CNTNAP5: variants seen among roughly 807,000 people sequenced by gnomAD.
CNTNAP5 encodes contactin associated protein family member 5, also known as contactin-associated protein-like 5.
In CNTNAP5, 72 loss-of-function variants were observed where a neutral mutation model predicts 150.2. That is an observed-to-expected ratio of 0.48 (90% CI 0.40 to 0.58). CNTNAP5 has a LOEUF of 0.58. Ranked by LOEUF, CNTNAP5 falls within the 20% of genes least tolerant of loss-of-function variation. The pLI is 0.00. For missense variants in CNTNAP5, 1,636 were observed against 1,626.2 expected, an observed-to-expected ratio of 1.01 and a Z score of -0.10; for synonymous variants, 672 against 619.8, an observed-to-expected ratio of 1.08 and a Z score of -1.25.
intron 13 of CNTNAP5, among the ~76,000 whole-genome samples, chr2:124,667,377 TG>T (rs1364660526): frequency 2.0e-5 from 3 of 152,256 alleles, no homozygotes; most frequent in African/African-American, 7.2e-5. Flanking sequence ...GCTATCTTCC[TG>T]ATATTACTCA....
At chr2:124,888,249 G>C (rs911352719) in intron 21 of CNTNAP5, among the ~76,000 whole-genome samples, 2 of 152,014 alleles carry the variant, frequency 1.3e-5, no homozygotes, top group Non-Finnish European at 2.9e-5. Flanking sequence ...ACTTCCAGCT[G>C]TATCCATGTT....
At chr2:124,734,613 G>A (rs13017045) in intron 13 of CNTNAP5, among the ~76,000 whole-genome samples, 26,784 of 151,598 alleles carry the variant, frequency 0.18, 2,514 homozygotes, top group South Asian at 0.22. Context: ...CAAAAGCAAA[G>A]CAACTGCCTG....
chr2:124,068,182 C>T (rs970628170), intron 1 of CNTNAP5, among the ~76,000 whole-genome samples: 3 of 151,958 alleles, frequency 2.0e-5, no homozygotes, highest in African/African-American at 7.3e-5. Flanking sequence ...TTGGAAGAGG[C>T]ATTGAAGAGA....
chr2:124,863,887 A>T (rs1677575416), intron 19 of CNTNAP5, among the ~76,000 whole-genome samples: 1 of 152,192 alleles, frequency 6.6e-6, no homozygotes, highest in African/African-American at 2.4e-5. Flanking sequence ...AAATTTGAGC[A>T]GATACTCCTT....
chr2:124,744,107 A>T (rs775617763), intron 13 of CNTNAP5, among the ~76,000 whole-genome samples: 7 of 152,168 alleles, frequency 4.6e-5, no homozygotes, highest in Non-Finnish European at 7.3e-5. Flanking sequence ...GTCCCCACCC[A>T]AATCTCATCC....
Position 124,536,335 on chromosome 2 carries a change from G to A in CNTNAP5, c.1649+8879G>A, listed in dbSNP as rs1573443677. On this transcript the variant is annotated intron_variant, in intron 10 of 23. Coordinates refer to ENST00000682447, the MANE Select transcript of CNTNAP5 (RefSeq NM_001367498.1). ...CCTACCAAGTGGGTTCTCAAAGTATGGCCCCCAGGACTGCAGCATCGGTGT... is the reference window on the plus strand; with the variant it reads ...CCTACCAAGTGGGTTCTCAAAGTATAGCCCCCAGGACTGCAGCATCGGTGT... Among the ~76,000 whole-genome samples, 7 of 152,224 alleles carry A rather than the reference G, an allele frequency of 4.6e-5. No homozygotes were observed. The South Asian group carries it at 1.5e-3, about 32-fold the overall frequency.
Position 124,713,306 on chromosome 2 carries a change from TTC to T in CNTNAP5, c.2078-33919_2078-33918del, listed in dbSNP as rs1318452758. Among the ~76,000 whole-genome samples the T allele has an allele frequency of 1.4e-3, 131 of 94,770 alleles. 1 individual carries two copies. Among genetic ancestry groups the T allele is most frequent in the Non-Finnish European group, 2.0e-3 (81 of 40,846 alleles). 62.2% of individuals were successfully genotyped at this position (94,770 alleles called of 152,430 possible). On this transcript the variant is annotated intron_variant, in intron 13 of 23. Transcript: ENST00000682447. ...CTTTCTTTCTTTCTTTCTTTCTTCTTTCTCTTTCTTTCCTTTCTTTCTTTCTT... is the reference window on the plus strand; with the variant it reads ...CTTTCTTTCTTTCTTTCTTTCTTCTTTCTTTCTTTCCTTTCTTTCTTTCTT...
At chr2:124,803,158 A>T (rs1573627637) in intron 19 of CNTNAP5, among the ~76,000 whole-genome samples, 3 of 151,950 alleles carry the variant, frequency 2.0e-5, no homozygotes, top group African/African-American at 4.8e-5. Context: ...AAACATAGTT[A>T]AAAAAACGAA....
intron 1 of CNTNAP5, among the ~76,000 whole-genome samples, chr2:124,183,611 TG>T (rs921606379): frequency 1.3e-5 from 2 of 152,238 alleles, no homozygotes; most frequent in African/African-American, 2.4e-5. Context: ...CTTTCTTATT[TG>T]GCAAACAGAT....
intron 6 of CNTNAP5, among the ~76,000 whole-genome samples, chr2:124,456,466 T>C (rs1335204161): frequency 6.6e-6 from 1 of 152,124 alleles, no homozygotes; most frequent in Non-Finnish European, 1.5e-5. Flanking sequence ...ATGGGTAGAA[T>C]CAATATTGTG....
At chr2:124,686,473 T>TA (rs1679195758) in intron 13 of CNTNAP5, among the ~76,000 whole-genome samples, 2 of 152,114 alleles carry the variant, frequency 1.3e-5, no homozygotes, top group South Asian at 4.1e-4. Flanking sequence ...TCCCCAAAGA[T>TA]GGCTCACCTA....
At chr2:124,870,461 A>G (rs1677721328) in intron 21 of CNTNAP5, among the ~76,000 whole-genome samples, 2 of 150,044 alleles carry the variant, frequency 1.3e-5, no homozygotes, top group African/African-American at 5.0e-5. Flanking sequence ...ATACTGCTAG[A>G]TTTTATTTTT....
At chr2:124,177,917 T>A (rs12995937) in intron 1 of CNTNAP5, among the ~76,000 whole-genome samples, 2 of 150,930 alleles carry the variant, frequency 1.3e-5, no homozygotes, top group African/African-American at 4.9e-5. Context: ...CATGGTCTCG[T>A]CTCACTGCAA....
At chr2:124,806,598 G>C (rs1323078172) in intron 19 of CNTNAP5, among the ~76,000 whole-genome samples, 1 of 152,154 alleles carries the variant, frequency 6.6e-6, no homozygotes, top group African/African-American at 2.4e-5. Flanking sequence ...CAATAATTGA[G>C]CAACTGCTGG....
intron 14 of CNTNAP5, among the ~76,000 whole-genome samples, chr2:124,757,428 C>T (rs929511163): frequency 3.9e-5 from 6 of 152,146 alleles, no homozygotes; most frequent in Admixed American, 1.3e-4. Flanking sequence ...AGTCCAGAGG[C>T]GGCACAGACT....
intron 1 of CNTNAP5, among the ~76,000 whole-genome samples, chr2:124,127,377 G>A (rs1483445309): frequency 1.3e-5 from 2 of 152,134 alleles, no homozygotes; most frequent in Non-Finnish European, 2.9e-5. Flanking sequence ...TTTTCAAGGA[G>A]AACTACAGAC....
chr2:124,713,998 G>A lies in CNTNAP5; in HGVS notation c.2078-33231G>A, dbSNP rs535823293. On this transcript the variant is annotated intron_variant, in intron 13 of 23. Transcript: ENST00000682447. ...ATACTCTCTTGACTTTGCACATGTG[G>A]TTATTATTATTATTTGGCCAAGAAT... Among the ~76,000 whole-genome samples, 212 of 152,134 alleles carry A rather than the reference G, an allele frequency of 1.4e-3. 1 individual carries two copies. Among genetic ancestry groups the A allele is most frequent in the African/African-American group, 4.6e-3 (193 of 41,534 alleles).
chr2:124,483,694 A>T (rs536447427), intron 7 of CNTNAP5, among the ~76,000 whole-genome samples: 1 of 152,350 alleles, frequency 6.6e-6, no homozygotes, highest in East Asian at 1.9e-4. Context: ...AACATGGCAT[A>T]ACTTAGCATT....
chr2:124,359,268 T>G (rs981033548), intron 3 of CNTNAP5, among the ~76,000 whole-genome samples: 1 of 151,188 alleles, frequency 6.6e-6, no homozygotes, highest in African/African-American at 2.4e-5. Context: ...CCTGGATTCA[T>G]TGATTTTTTG....
Sources: allele counts gnomAD v4.1 joint callset (sites outside exome capture counted in the v4.1 genomes callset), GRCh38; gene constraint gnomAD v4.1.1; transcripts MANE v1.5; gene names NCBI Gene and HGNC (gene_info 2026-07-23, HGNC 2026-07-21).